Variants in DDX41 observed in about 807,000 individuals in gnomAD.
DDX41 encodes the protein DEAD-box helicase 41.
A neutral mutation model predicts 78.8 loss-of-function variants in DDX41; 50 were observed. The ratio of observed to expected loss-of-function variants is 0.63; its 90% CI spans 0.51 to 0.80. The LOEUF (loss-of-function observed/expected upper bound fraction) is 0.80, where lower values mean the gene tolerates loss of function less well. Ranked by LOEUF, DDX41 falls within the 30% of genes least tolerant of loss-of-function variation. The probability of loss-of-function intolerance (pLI) is 0.00; values close to 1 mark genes in which losing one functional copy is unlikely to be tolerated. For synonymous variants in DDX41, 381 were observed against 321.5 expected (o/e 1.19, Z -1.98); for missense variants, 633 against 849.2 (o/e 0.75, Z 3.16).
Position 177,516,412 on chromosome 5 carries a change from A to G in DDX41, c.174T>C (p.Ala58=), listed in dbSNP as rs778279045. Reference sequence around the variant, plus strand: ...CGCTGTCCTGCTGCTCTTCCTCCGCAGCTCCCTTGCGTCTTCGCTGCAGCA... The same window carrying G: ...CGCTGTCCTGCTGCTCTTCCTCCGCGGCTCCCTTGCGTCTTCGCTGCAGCA... ...QKLLQRRRKG[A]AEEEQQDSGS... The change falls in exon 3 of 17, where the codon GCT becomes GCC. Residue 58 remains alanine, a synonymous_variant. Coordinates refer to ENST00000330503, the MANE Select transcript of DDX41 (RefSeq NM_016222.4). 1 of 1,613,672 alleles carries G rather than the reference A, an allele frequency of 6.2e-7. No homozygotes were observed. The highest frequency in any genetic ancestry group is 1.3e-5 in the African/African-American group (1 of 74,880).
chr5:177,514,161 T>G lies in DDX41; in HGVS notation c.936-314A>C. The G allele has an allele frequency of 1.8e-6, 1 of 554,804 alleles. No individual in the cohort carries two copies. Among genetic ancestry groups the G allele is most frequent in the Non-Finnish European group, 3.4e-6 (1 of 291,202 alleles). The allele number at this position is 554,804 out of a possible 1,614,324, so 34.4% of individuals were successfully genotyped here. A position where few individuals can be genotyped will look rare whatever the true frequency, so the allele number is the denominator to read the frequency against. Reference sequence around the variant, plus strand: ...TTTCCTGGCCCACTGGCTTCACCTTTTCTGTGCTCACCATCTCCCTAATAC... The same window carrying G: ...TTTCCTGGCCCACTGGCTTCACCTTGTCTGTGCTCACCATCTCCCTAATAC... On this transcript the variant is annotated intron_variant, in intron 9 of 16. Transcript: ENST00000330503. The surrounding 1 kb of genome is among the most constrained non-coding windows in gnomAD (Gnocchi z 4.2).
rs1761038739 is a variant in DDX41, at chr5:177,512,864, C to G, written c.1315G>C (p.Ala439Pro). 1 of 1,613,890 alleles carries G rather than the reference C, an allele frequency of 6.2e-7. No individual in the cohort carries two copies. Among genetic ancestry groups the G allele is most frequent in the African/African-American group, 1.3e-5 (1 of 74,932 alleles). The change falls in exon 13 of 17, where the codon GCA becomes CCA. Residue 439 changes from alanine to proline, a missense_variant. Physicochemically the swap from Ala to Pro is conservative, Grantham distance 27. Transcript: ENST00000330503. Reference sequence around the variant, plus strand: ...GCGTCCACGTCTGCCTTCTTCTCTGCAAAGATGAGTACCTGTCCGGAAAGA... The same window carrying G: ...GCGTCCACGTCTGCCTTCTTCTCTGGAAAGATGAGTACCTGTCCGGAAAGA... Reference protein sequence around the residue: ...QKTPPPVLIFAEKKADVDAIH... With the variant: ...QKTPPPVLIFPEKKADVDAIH...
Position 177,512,307 on chromosome 5 carries a change from T to C in DDX41, c.1621+15A>G, listed in dbSNP as rs1761000326. On this transcript the variant is annotated intron_variant, in intron 15 of 16. Transcript: ENST00000330503. Reference sequence around the variant, plus strand: ...ACCCAGGGAACAGCTAAGGTGGCGCTGGTAACAGACTCACCACACGCTTTG... The same window carrying C: ...ACCCAGGGAACAGCTAAGGTGGCGCCGGTAACAGACTCACCACACGCTTTG... The C allele has an allele frequency of 1.2e-6, 2 of 1,614,002 alleles. No homozygotes were observed. The highest frequency in any genetic ancestry group is 8.5e-7 in the Non-Finnish European group (1 of 1,179,970).
chr5:177,515,287 T>C, intron 6 of DDX41, 29 bp from the exon 7 acceptor site: 1 of 1,612,778 alleles, frequency 6.2e-7, no homozygotes, highest in Non-Finnish European at 8.5e-7. Flanking sequence ...ATCGTCTTCA[T>C]GACTCACAGG....
At position 177,514,931 on chromosome 5, in the gene DDX41, G is replaced by A. The variant is rs756526975; in HGVS notation, c.783C>T (p.Leu261=). The A allele has an allele frequency of 5.6e-6, 9 of 1,606,522 alleles. No individual in the cohort carries two copies. Among genetic ancestry groups the A allele is most frequent in the South Asian group, 3.3e-5 (3 of 91,004 alleles). Residue 261 remains leucine (L), a synonymous_variant, in exon 8 of 17, where the codon CTC becomes CTT. Transcript: ENST00000330503. This position sits in a 1 kb window ranked among gnomAD's most constrained non-coding sequence, Gnocchi z 4.2. ...CCTATCTTACCGAGGGGCAGATGAT[G>A]AGTCCATAGGGCCCCTCGCGCTTTG... ...PFSKREGPYG[L]IICPSRELAR...
chr5:177,514,827 G>A lies in DDX41; in HGVS notation c.809C>T (p.Ala270Val), dbSNP rs745544108. The part of the protein sequence containing the change: ...GLIICPSREL[A>V]RQTHGILEYY... ...CTCCAGGATGCCATGGGTCTGCCGG[G>A]CCAGCTCCCGCTGCAGGCAGAGGGA... is the stretch of plus-strand genomic sequence containing the variant. Residue 270 changes from alanine to valine, a missense_variant, in exon 9 of 17, where the codon GCC (alanine) becomes GTC (valine). Ala to Val is a moderately conservative substitution (Grantham distance 64). Coordinates refer to ENST00000330503, the MANE Select transcript of DDX41 (RefSeq NM_016222.4). This position sits in a 1 kb window ranked among gnomAD's most constrained non-coding sequence, Gnocchi z 4.2. 7.4e-6 allele frequency: 12 copies of A among 1,611,288 alleles called. No individual in the cohort carries two copies. Among genetic ancestry groups the A allele is most frequent in the Admixed American group, 1.7e-5 (1 of 59,968 alleles).
chr5:177,512,666 A>G, intron 13 of DDX41, 21 bp from the exon 14 acceptor site: 3 of 1,613,838 alleles, frequency 1.9e-6, no homozygotes, highest in Non-Finnish European at 2.5e-6. Context: ...TCAGGCAGAC[A>G]CTGTCAGAGC....
At position 177,513,306 on chromosome 5, in the gene DDX41, T is replaced by C; in HGVS notation, c.1230+47A>G. On this transcript the variant is annotated intron_variant, in intron 11 of 16. Transcript: ENST00000330503. This position sits in a 1 kb window ranked among gnomAD's most constrained non-coding sequence, Gnocchi z 4.6. ...ATCAGCTTCAGGGAGACTTGTCAGA[T>C]CCAGCCCCCACAGGTGAGAGACCGC... 6.2e-7 allele frequency: 1 copy of C among 1,612,290 alleles called. No homozygotes were observed. The highest frequency in any genetic ancestry group is 8.5e-7 in the Non-Finnish European group (1 of 1,179,094).
In DDX41 at chr5:177,515,006, C is replaced by T. The variant is rs920310571; in HGVS notation, c.708G>A (p.Thr236=). The T allele has an allele frequency of 6.8e-6, 11 of 1,613,712 alleles. No homozygotes were observed. The highest frequency in any genetic ancestry group is 1.7e-5 in the Admixed American group (1 of 60,006). ...FTGSGKTLVF[T]LPVIMFCLEQ... ...CCAGGCAGAACATGATGACGGGCAA[C>T]GTGAACACCAGTGTCTTGCCTGAAC... The change falls in exon 8 of 17, where the codon ACG becomes ACA. Residue 236 remains threonine, a synonymous_variant. Coordinates refer to ENST00000330503, the MANE Select transcript of DDX41 (RefSeq NM_016222.4).
chr5:177,514,205 AG>A lies in DDX41; in HGVS notation c.936-359del, dbSNP rs757958840. 1.0e-5 allele frequency: 5 copies of A among 500,040 alleles called. No individual in the cohort carries two copies. The East Asian group carries it at 2.8e-4, about 28-fold the overall frequency. 31.0% of individuals were successfully genotyped at this position (500,040 alleles called of 1,614,324 possible). The stretch of plus-strand genomic sequence containing the variant: ...CTAATACTCAGAAGTCCGTGGAGGA[AG>A]GCCTCCGGGATGGGGTCTGGCCCAT... On this transcript the variant is annotated intron_variant, in intron 9 of 16. Coordinates refer to ENST00000330503, the MANE Select transcript of DDX41 (RefSeq NM_016222.4). This position sits in a 1 kb window ranked among gnomAD's most constrained non-coding sequence, Gnocchi z 4.2.
Position 177,514,810 on chromosome 5 carries a change from T to C in DDX41, c.826A>G (p.Ile276Val). The part of the protein sequence containing the change: ...SRELARQTHG[I>V]LEYYCRLLQE... The stretch of plus-strand genomic sequence containing the variant: ...AGCAGGCGGCAGTAGTACTCCAGGA[T>C]GCCATGGGTCTGCCGGGCCAGCTCC... Residue 276 changes from isoleucine (I) to valine (V), a missense_variant, in exon 9 of 17, where the codon ATC (isoleucine) becomes GTC (valine). Physicochemically the swap from Ile to Val is conservative, Grantham distance 29. This residue lies in a region of DDX41 where 151 missense variants were observed against 169.2 expected (regional missense o/e 0.89). Transcript: ENST00000330503. This position sits in a 1 kb window ranked among gnomAD's most constrained non-coding sequence, Gnocchi z 4.2. 2 of 1,612,550 alleles carry C rather than the reference T, an allele frequency of 1.2e-6. No individual in the cohort carries two copies. The highest frequency in any genetic ancestry group is 1.7e-6 in the Non-Finnish European group (2 of 1,179,644).
chr5:177,513,951 T>C lies in DDX41; in HGVS notation c.936-104A>G. ...GCTCTGCTCTCTGTCCTCCTTCCTATTTCTTTGTCTGTCCCCTTCTCATCA... is the reference window on the plus strand; with the variant it reads ...GCTCTGCTCTCTGTCCTCCTTCCTACTTCTTTGTCTGTCCCCTTCTCATCA... On this transcript the variant is annotated intron_variant, in intron 9 of 16. Coordinates refer to ENST00000330503, the MANE Select transcript of DDX41 (RefSeq NM_016222.4). The surrounding 1 kb of genome is among the most constrained non-coding windows in gnomAD (Gnocchi z 4.6). The C allele has an allele frequency of 8.5e-7, 1 of 1,180,480 alleles. No individual in the cohort carries two copies. The highest frequency in any genetic ancestry group is 1.4e-5 in the South Asian group (1 of 73,306). The allele number at this position is 1,180,480 out of a possible 1,614,324, so 73.1% of individuals were successfully genotyped here.
In DDX41 at chr5:177,516,751, G is replaced by C; in HGVS notation, c.112C>G (p.Pro38Ala). ...EDDEDYVPYV[P>A]LRQRRQLLLQ... The stretch of plus-strand genomic sequence containing the variant: ...AGTAGCTGCCGGCGCTGCCGTAACG[G>C]CACATAGGGCACGTAGTCCTCGTCG... The change falls in exon 2 of 17, where the codon CCG becomes GCG. Residue 38 changes from proline to alanine, a missense_variant. Pro to Ala is a conservative substitution (Grantham distance 27, BLOSUM62 -1). Coordinates refer to ENST00000330503, the MANE Select transcript of DDX41 (RefSeq NM_016222.4). The C allele has an allele frequency of 1.9e-6, 3 of 1,610,088 alleles. No homozygotes were observed. Among genetic ancestry groups the C allele is most frequent in the Non-Finnish European group, 2.5e-6 (3 of 1,178,646 alleles).
chr5:177,515,346 G>A (rs745796542), intron 6 of DDX41, 88 bp from the exon 7 acceptor site: 2 of 1,271,666 alleles, frequency 1.6e-6, no homozygotes, highest in South Asian at 1.2e-5. Flanking sequence ...ACCCCTACAA[G>A]TTGCAGATGA....
rs1230732292 is a variant in DDX41, at chr5:177,512,142, C to T, written c.1686G>A (p.Val562=). The part of the protein sequence containing the change: ...LLEAKQKVPP[V]LQVLHCGDES... ...CATCCCCGCAATGCAGCACCTGCAG[C>T]ACGGGCGGCACCTTCTGCTTGGCTT... Residue 562 remains valine, a synonymous_variant, in exon 16 of 17, where the codon GTG becomes GTA. Coordinates refer to ENST00000330503, the MANE Select transcript of DDX41 (RefSeq NM_016222.4). 1 of 1,613,366 alleles carries T rather than the reference C, an allele frequency of 6.2e-7. No individual in the cohort carries two copies. The highest frequency in any genetic ancestry group is 8.5e-7 in the Non-Finnish European group (1 of 1,180,036).
intron 13 of DDX41, 44 bp from the exon 14 acceptor site, chr5:177,512,689 G>C (rs1406865822): frequency 3.1e-6 from 5 of 1,613,266 alleles, no homozygotes; most frequent in African/African-American, 2.7e-5. Flanking sequence ...CCATGGGACA[G>C]GGGAGTGGCA....
Position 177,514,573 on chromosome 5 carries a change from C to G in DDX41, c.935+128G>C. 7.6e-7 allele frequency: 1 copy of G among 1,308,238 alleles called. No homozygotes were observed. The highest frequency in any genetic ancestry group is 1.4e-5 in the South Asian group (1 of 70,798). The allele number at this position is 1,308,238 out of a possible 1,614,324, so 81.0% of individuals were successfully genotyped here. On this transcript the variant is annotated intron_variant, in intron 9 of 16. Transcript: ENST00000330503. This position sits in a 1 kb window ranked among gnomAD's most constrained non-coding sequence, Gnocchi z 4.2. ...ACTAACCTCCCCATTAGACTGGGAG[C>G]TCCTTGAGGGTCGCACTCACAGCAG...
rs751199402 is a variant in DDX41 at position 177,513,105 on chromosome 5, A to C, written c.1231-23T>G. 9 of 1,606,476 alleles carry C rather than the reference A, an allele frequency of 5.6e-6. No homozygotes were observed. Among genetic ancestry groups the C allele is most frequent in the Non-Finnish European group, 7.7e-6 (9 of 1,175,568 alleles). Reference sequence around the variant, plus strand: ...CTCCTGCCACCACAAAGATCAGGTCAGGTGATCTTGAGATTAGGCTTACCC... The same window carrying C: ...CTCCTGCCACCACAAAGATCAGGTCCGGTGATCTTGAGATTAGGCTTACCC... On this transcript the variant is annotated intron_variant, in intron 11 of 16. Transcript: ENST00000330503. This position sits in a 1 kb window ranked among gnomAD's most constrained non-coding sequence, Gnocchi z 4.6.
Position 177,516,374 on chromosome 5 carries a change from CG to C in DDX41, c.211del (p.Arg71GlyfsTer9). The C allele has an allele frequency of 6.2e-7, 1 of 1,614,008 alleles. No homozygotes were observed. The highest frequency in any genetic ancestry group is 1.1e-5 in the South Asian group (1 of 91,080). On this transcript the variant is annotated frameshift_variant, in exon 3 of 17. Coordinates refer to ENST00000330503, the MANE Select transcript of DDX41 (RefSeq NM_016222.4). LOFTEE classifies it high-confidence loss of function. ...EEQQDSGSEPRGDEDDIPLGP... is the reference protein window; with the variant it reads ...EEQQDSGSEPXGDEDDIPLGP... Reference sequence around the variant, plus strand: ...TAGCGGGATGTCGTCCTCATCTCCCCGGGGTTCACTACCGCTGTCCTGCTGC... The same window carrying C: ...TAGCGGGATGTCGTCCTCATCTCCCCGGGTTCACTACCGCTGTCCTGCTGC...
Sources: gnomAD v4.1 joint callset for allele counts on GRCh38, gnomAD v4.1.1 for gene constraint, gnomAD v4.1.1 regional missense constraint, Gnocchi (gnomAD v3.1) non-coding constraint, MANE v1.5 for transcripts, NCBI Gene and HGNC (gene_info 2026-07-23, HGNC 2026-07-21) for gene names.